Variants in ARL17A observed in about 807,000 individuals in gnomAD.
ARL17A encodes the protein ARF like GTPase 17A, also known as ADP-ribosylation factor-like 17-like.
At chr17:46,551,192 T>C (rs1266029966), downstream of ARL17A, among the ~76,000 whole-genome samples, 3 of 149,204 alleles carry the variant, frequency 2.0e-5, no homozygotes, top group African/African-American at 7.7e-5. Context: ...GATGCTCAGC[T>C]TGCATCAACT....
the ARL17A span, among the ~76,000 whole-genome samples, chr17:46,501,005 C>T: frequency 1.3e-5 from 2 of 151,098 alleles, no homozygotes; most frequent in Non-Finnish European, 2.9e-5. Flanking sequence ...CATGGTGAGA[C>T]CCCGTCTCTA....
At chr17:46,543,419 T>C (rs569398798) in intron 3 of ARL17A, among the ~76,000 whole-genome samples, 1 of 151,064 alleles carries the variant, frequency 6.6e-6, no homozygotes, top group South Asian at 2.1e-4. Flanking sequence ...ATGTACTAAG[T>C]GTAATGTCTG....
intron 4 of ARL17A, among the ~76,000 whole-genome samples, chr17:46,533,658 C>T (rs1181930222): frequency 3.0e-5 from 2 of 66,652 alleles, no homozygotes; most frequent in Admixed American, 3.3e-4. Context: ...CGTAACACCA[C>T]ACCCAGCTAA....
intron 3 of ARL17A, among the ~76,000 whole-genome samples, chr17:46,545,400 T>A (rs571789626): frequency 7.9e-6 from 1 of 126,614 alleles, no homozygotes; most frequent in South Asian, 2.3e-4. Flanking sequence ...TGCATTGAGG[T>A]ATAATTTTGC....
At chr17:46,501,700 A>G in the ARL17A span, among the ~76,000 whole-genome samples, 1 of 151,276 alleles carries the variant, frequency 6.6e-6, no homozygotes, top group South Asian at 2.1e-4. Context: ...GAGCCACAGA[A>G]TGATATCTCA....
At chr17:46,541,288 G>C (rs2145560967) in intron 3 of ARL17A, among the ~76,000 whole-genome samples, 1 of 149,982 alleles carries the variant, frequency 6.7e-6, no homozygotes, top group South Asian at 2.1e-4. Flanking sequence ...ATCTCACTCT[G>C]TCGCCCAGGC....
intron 3 of ARL17A, among the ~76,000 whole-genome samples, chr17:46,517,680 CTT>C (rs1180779573): frequency 1.4e-3 from 1 of 706 alleles, no homozygotes; most frequent in African/African-American, 0.015. Flanking sequence ...TTTTTGTTCT[CTT>C]TTTTTTTTTT....
At chr17:46,502,805 TGTCTG>T in the ARL17A span, among the ~76,000 whole-genome samples, 4 of 151,340 alleles carry the variant, frequency 2.6e-5, no homozygotes, top group South Asian at 8.3e-4. Context: ...AGGTGACAAC[TGTCTG>T]TACCACCCAG....
chr17:46,500,294 T>TC, the ARL17A span, among the ~76,000 whole-genome samples: 3 of 133,722 alleles, frequency 2.2e-5, no homozygotes, highest in Middle Eastern at 3.8e-3. Context: ...TCTTTTTGCT[T>TC]CCCTTGCATC....
chr17:46,500,939 G>A, the ARL17A span, among the ~76,000 whole-genome samples: 1 of 151,158 alleles, frequency 6.6e-6, no homozygotes, highest in Admixed American at 6.6e-5. Context: ...CAGCACTTTG[G>A]GAGGCTGAAG....
At chr17:46,525,625 TC>T (rs2052633858), downstream of ARL17A, among the ~76,000 whole-genome samples, 1 of 122,906 alleles carries the variant, frequency 8.1e-6, no homozygotes, top group Non-Finnish European at 1.8e-5. Flanking sequence ...ATCATCATCA[TC>T]ATCATCATCA....
chr17:46,543,574 G>T (rs965387337), intron 3 of ARL17A, among the ~76,000 whole-genome samples: 3 of 150,838 alleles, frequency 2.0e-5, no homozygotes, highest in African/African-American at 7.5e-5. Flanking sequence ...AGAATGCCTT[G>T]GTTCTTAGGG....
chr17:46,526,506 T>G (rs3894940), downstream of ARL17A, among the ~76,000 whole-genome samples: 1 of 105,450 alleles, frequency 9.5e-6, no homozygotes, highest in African/African-American at 3.6e-5. Flanking sequence ...AATTTTTGTA[T>G]TCATAATTTT....
At position 46,534,820 on chromosome 17, in the gene ARL17A, G is replaced by A. The variant is rs538717484; in HGVS notation, c.335+3531C>T. ...TCCCGGAGGGGGCGGCTGGCCAGGC[G>A]GGGGCTGGCCCCCACCTCCCTCCCA... On this transcript the variant is annotated intron_variant, in intron 4 of 4. Transcript: ENST00000329240. 3.5e-4 allele frequency among the ~76,000 whole-genome samples: 51 copies of A among 147,190 alleles called. 1 individual carries two copies. Among genetic ancestry groups the A allele is most frequent in the African/African-American group, 1.1e-3 (40 of 37,320 alleles).
At chr17:46,503,252 A>T in the ARL17A span, among the ~76,000 whole-genome samples, 1 of 145,350 alleles carries the variant, frequency 6.9e-6, no homozygotes, top group African/African-American at 2.7e-5. Context: ...CTTCCCAACA[A>T]GCGTTTCTCT....
chr17:46,549,362 T>C (rs1197423372), downstream of ARL17A: 1 of 1,583,720 alleles, frequency 6.3e-7, no homozygotes, highest in Admixed American at 1.8e-5. Context: ...AACACTAACA[T>C]GCCAGAAGGA....
chr17:46,545,009 T>A (rs1367550278), intron 3 of ARL17A, among the ~76,000 whole-genome samples: 2 of 140,080 alleles, frequency 1.4e-5, no homozygotes, highest in Non-Finnish European at 3.1e-5. Flanking sequence ...TTCCTCATGA[T>A]GAAATTCAAG....
intron 3 of ARL17A, among the ~76,000 whole-genome samples, chr17:46,541,541 C>T (rs1405203522): frequency 1.3e-5 from 2 of 150,662 alleles, no homozygotes; most frequent in Non-Finnish European, 2.9e-5. Flanking sequence ...TAAGATCCAC[C>T]TTGCCTGGCC....
downstream of ARL17A, among the ~76,000 whole-genome samples, chr17:46,550,972 A>T (rs1366303399): frequency 3.3e-5 from 5 of 149,696 alleles, no homozygotes; most frequent in Admixed American, 6.6e-5. Context: ...AGATTTACAC[A>T]GTATCGTCCT....
Sources: gnomAD v4.1 joint callset for allele counts (sites outside exome capture counted in the v4.1 genomes callset) on GRCh38, gnomAD v4.1.1 for gene constraint, MANE v1.5 for transcripts, NCBI Gene and HGNC (gene_info 2026-07-23, HGNC 2026-07-21) for gene names.